Variants in CRB1 observed in about 807,000 individuals in gnomAD.
CRB1 encodes the protein protein crumbs homolog 1.
In CRB1, 83 loss-of-function variants were observed where a neutral mutation model predicts 120.0. That is an observed-to-expected ratio of 0.69 (90% CI 0.58 to 0.83). The LOEUF is 0.83. CRB1 is among the 40% of genes least tolerant of loss of function. The pLI is 0.00. For synonymous variants in CRB1, 625 were observed against 612.5 expected, an observed-to-expected ratio of 1.02 and a Z score of -0.30; for missense variants, 1,699 against 1,687.6, an observed-to-expected ratio of 1.01 and a Z score of -0.12.
At chr1:197,221,821 T>C in the CRB1 span, among the ~76,000 whole-genome samples, 1 of 152,198 alleles carries the variant, frequency 6.6e-6, no homozygotes, top group Non-Finnish European at 1.5e-5. Context: ...ATATGCTCAG[T>C]GACTGAAAGT....
the CRB1 span, among the ~76,000 whole-genome samples, chr1:197,262,559 G>A: frequency 1.3e-5 from 2 of 151,962 alleles, no homozygotes; most frequent in African/African-American, 4.8e-5. Context: ...TTAGATACCG[G>A]GGGTAGATGT....
the CRB1 span, among the ~76,000 whole-genome samples, chr1:197,225,891 G>C: frequency 2.6e-5 from 4 of 152,108 alleles, no homozygotes; most frequent in Non-Finnish European, 5.9e-5. Context: ...CCAGACCACA[G>C]CCTTTCTTTC....
At chr1:197,206,909 A>G in the CRB1 span, among the ~76,000 whole-genome samples, 2 of 152,236 alleles carry the variant, frequency 1.3e-5, no homozygotes, top group South Asian at 2.1e-4. Context: ...TTGTAAATGT[A>G]GAAGCTCCAG....
the CRB1 span, among the ~76,000 whole-genome samples, chr1:197,211,141 A>G: frequency 6.6e-6 from 1 of 152,180 alleles, no homozygotes; most frequent in Non-Finnish European, 1.5e-5. Flanking sequence ...TTTTTATAAG[A>G]AGCAAATATG....
At chr1:197,289,828 AT>A (rs1462294872) in intron 1 of CRB1, among the ~76,000 whole-genome samples, 2 of 151,626 alleles carry the variant, frequency 1.3e-5, no homozygotes, top group African/African-American at 4.8e-5. Context: ...TCTTTTTTAT[AT>A]AATGTGCTTT....
chr1:197,293,911 T>A (rs1156532982), intron 1 of CRB1, among the ~76,000 whole-genome samples: 1 of 152,080 alleles, frequency 6.6e-6, no homozygotes, highest in African/African-American at 2.4e-5. Context: ...CAAAAATTAA[T>A]TCAAGATGGA....
intron 1 of CRB1, among the ~76,000 whole-genome samples, chr1:197,316,307 C>A (rs947814592): frequency 6.6e-6 from 1 of 152,146 alleles, no homozygotes; most frequent in African/African-American, 2.4e-5. Context: ...GCCTCAGCCT[C>A]CTAAGTAGCT....
chr1:197,420,441 G>C (rs1347185929), intron 5 of CRB1, among the ~76,000 whole-genome samples: 1 of 152,158 alleles, frequency 6.6e-6, no homozygotes, highest in Admixed American at 6.5e-5. Context: ...TTGCAGGGAA[G>C]GAGGAAATGG....
At chr1:197,314,268 A>G (rs1394140771) in intron 1 of CRB1, among the ~76,000 whole-genome samples, 1 of 152,194 alleles carries the variant, frequency 6.6e-6, no homozygotes, top group African/African-American at 2.4e-5. Context: ...GTCTTCAGAT[A>G]TGTGAATCCT....
At chr1:197,342,170 C>G (rs751206362) in intron 2 of CRB1, among the ~76,000 whole-genome samples, 14 of 152,218 alleles carry the variant, frequency 9.2e-5, no homozygotes, top group Admixed American at 4.6e-4. Context: ...ATACATTGAT[C>G]CAATTTCAAG....
chr1:197,425,577 A>T (rs533890277), intron 6 of CRB1, among the ~76,000 whole-genome samples: 10 of 152,192 alleles, frequency 6.6e-5, no homozygotes, highest in African/African-American at 2.2e-4. Context: ...CAAGTTATCA[A>T]TGCTTTCTAG....
chr1:197,373,934 A>T (rs1211497521), intron 5 of CRB1, among the ~76,000 whole-genome samples: 1 of 152,224 alleles, frequency 6.6e-6, no homozygotes, highest in Non-Finnish European at 1.5e-5. Flanking sequence ...ATATGTCAAT[A>T]TTAGCAAGGC....
intron 1 of CRB1, among the ~76,000 whole-genome samples, chr1:197,301,002 A>G (rs971610929): frequency 3.3e-5 from 5 of 150,524 alleles, no homozygotes; most frequent in East Asian, 2.0e-4. Flanking sequence ...TTGTAAGCCC[A>G]CTGTTGACAG....
chr1:197,300,232 G>A lies in CRB1; in HGVS notation c.71-28190G>A, dbSNP rs902041840. Among the ~76,000 whole-genome samples the A allele has an allele frequency of 2.0e-5, 3 of 151,820 alleles. No homozygotes were observed. The East Asian group carries it at 5.8e-4, about 29-fold the overall frequency. Reference sequence around the variant, plus strand: ...AACTATCACTTTAAATCAAAATCTAGAACTGATTAAGCTTATGGAGGAAGG... The same window carrying A: ...AACTATCACTTTAAATCAAAATCTAAAACTGATTAAGCTTATGGAGGAAGG... On this transcript the variant is annotated intron_variant, in intron 1 of 11. Coordinates refer to ENST00000367400, the MANE Select transcript of CRB1 (RefSeq NM_201253.3).
chr1:197,326,944 T>C (rs1658527104), intron 1 of CRB1, among the ~76,000 whole-genome samples: 1 of 151,616 alleles, frequency 6.6e-6, no homozygotes, highest in Non-Finnish European at 1.5e-5. Flanking sequence ...TTATTTTTAT[T>C]GCTATGTTTT....
intron 8 of CRB1, among the ~76,000 whole-genome samples, chr1:197,432,187 G>T (rs1202015269): frequency 6.6e-6 from 1 of 152,108 alleles, no homozygotes; most frequent in Non-Finnish European, 1.5e-5. Context: ...CATGATTTCA[G>T]TGTGCTCAGC....
intron 1 of CRB1, among the ~76,000 whole-genome samples, chr1:197,285,463 C>T (rs1266679815): frequency 6.6e-6 from 1 of 151,864 alleles, no homozygotes; most frequent in Non-Finnish European, 1.5e-5. Flanking sequence ...TCATTTTTAA[C>T]ACATCAGTGT....
chr1:197,271,241 A>T (rs184569427), intron 1 of CRB1, among the ~76,000 whole-genome samples: 1 of 152,252 alleles, frequency 6.6e-6, no homozygotes, highest in East Asian at 1.9e-4. Context: ...AGTTATTAAT[A>T]TCATATTAAT....
chr1:197,449,073 G>A (rs191820513), intron 11 of CRB1, among the ~76,000 whole-genome samples: 117 of 152,282 alleles, frequency 7.7e-4, no homozygotes, highest in Middle Eastern at 3.4e-3. Flanking sequence ...ATTCATAGTG[G>A]TATTTACAAC....
Sources: gnomAD v4.1 joint callset for allele counts (sites outside exome capture counted in the v4.1 genomes callset) on GRCh38, gnomAD v4.1.1 for gene constraint, MANE v1.5 for transcripts, NCBI Gene and HGNC (gene_info 2026-07-23, HGNC 2026-07-21) for gene names.